ITGAE: variants seen among roughly 807,000 people sequenced by gnomAD.
ITGAE encodes integrin subunit alpha E, also known as integrin alpha-E.
ITGAE carries 99 observed loss-of-function variants against 136.5 expected under a neutral mutation model. The ratio of observed to expected loss-of-function variants is 0.73; its 90% CI spans 0.62 to 0.86. The LOEUF is 0.86. ITGAE is among the 40% of genes least tolerant of loss of function. ITGAE has a pLI of 0.00. For missense variants in ITGAE, 1,447 were observed against 1,515.3 expected, an observed-to-expected ratio of 0.95 and a Z score of 0.75; for synonymous variants, 613 against 591.8, an observed-to-expected ratio of 1.04 and a Z score of -0.52.
At chr17:3,741,317 G>T (rs1387753843) in intron 19 of ITGAE, among the ~76,000 whole-genome samples, 3 of 150,136 alleles carry the variant, frequency 2.0e-5, no homozygotes, top group African/African-American at 7.4e-5. Context: ...TCGATCTCCT[G>T]ACCTCATGAT....
At chr17:3,741,442 T>A (rs1022084337) in intron 19 of ITGAE, among the ~76,000 whole-genome samples, 1 of 151,978 alleles carries the variant, frequency 6.6e-6, no homozygotes, top group African/African-American at 2.4e-5. Flanking sequence ...CCAGCCCCAG[T>A]GAAAGAGAAT....
chr17:3,740,020 C>G, intron 19 of ITGAE, 142 bp from the exon 20 acceptor site: 1 of 684,784 alleles, frequency 1.5e-6, no homozygotes, highest in Admixed American at 2.2e-5. Context: ...GTGAGGGGTG[C>G]AGGCTGGGAT....
At chr17:3,745,034 G>A (rs1567527188) in intron 18 of ITGAE, among the ~76,000 whole-genome samples, 1 of 152,120 alleles carries the variant, frequency 6.6e-6, no homozygotes, top group African/African-American at 2.4e-5. Flanking sequence ...TGGAATAAAC[G>A]ATCCATATAG....
At chr17:3,738,980 T>A (rs1237516655) in intron 20 of ITGAE, 5 of 152,282 alleles carry the variant, frequency 3.3e-5, no homozygotes, top group Non-Finnish European at 7.3e-5. Context: ...CAAAAGCCCT[T>A]CTGAGGGCTT....
intron 16 of ITGAE, among the ~76,000 whole-genome samples, chr17:3,748,752 G>A (rs1055070853): frequency 6.6e-6 from 1 of 152,210 alleles, no homozygotes; most frequent in African/African-American, 2.4e-5. Context: ...AGCACAGCCA[G>A]TGCCAAGGGC....
At chr17:3,774,634 G>T (rs1008634187) in intron 2 of ITGAE, among the ~76,000 whole-genome samples, 1 of 152,004 alleles carries the variant, frequency 6.6e-6, no homozygotes, top group Non-Finnish European at 1.5e-5. Context: ...GCGTGGTGGC[G>T]GGCGCCTGTA....
intron 1 of ITGAE, among the ~76,000 whole-genome samples, chr17:3,788,602 TTC>T (rs1014561336): frequency 2.7e-5 from 4 of 150,902 alleles, no homozygotes; most frequent in Non-Finnish European, 5.9e-5. Flanking sequence ...GCCCAGCCTG[TTC>T]TGTTTCTTGA....
At chr17:3,795,510 A>G (rs2053044137) in intron 1 of ITGAE, among the ~76,000 whole-genome samples, 1 of 152,208 alleles carries the variant, frequency 6.6e-6, no homozygotes, top group Non-Finnish European at 1.5e-5. Context: ...TGGTTTGTGC[A>G]TGGCCCGTCG....
chr17:3,718,897 G>A (rs1037083203), intron 29 of ITGAE, among the ~76,000 whole-genome samples: 1 of 151,968 alleles, frequency 6.6e-6, no homozygotes, highest in African/African-American at 2.4e-5. Flanking sequence ...TATTTCTTCC[G>A]TTTTCTGTAT....
At position 3,751,746 on chromosome 17, in the gene ITGAE, G is replaced by T. The variant is rs774526973; in HGVS notation, c.1797C>A (p.Ala599=). Residue 599 remains alanine (A), a synonymous_variant, in exon 15 of 31, where the codon GCC becomes GCA. Transcript: ENST00000263087. ...QDKLTDVAIG[A]PLEGFGADDG... ...CATCTGCCCCAAAACCTTCCAGGGG[G>T]GCCCCGATGGCCACATCTGTGAGCT... 1 of 1,613,914 alleles carries T rather than the reference G, an allele frequency of 6.2e-7. No individual in the cohort carries two copies. Among genetic ancestry groups the T allele is most frequent in the Non-Finnish European group, 8.5e-7 (1 of 1,179,976 alleles).
chr17:3,768,014 C>G lies in ITGAE; in HGVS notation c.156-4054G>C, dbSNP rs1249152959. 4.6e-5 allele frequency among the ~76,000 whole-genome samples: 7 copies of G among 152,264 alleles called. No homozygotes were observed. The East Asian group carries it at 1.4e-3, about 29-fold the overall frequency. ...TCCCCCAGAGCTTCTAGAAGGGACC[C>G]AGCCCTGCTGACACCTTTTCAGACT... is the stretch of plus-strand genomic sequence containing the variant. On this transcript the variant is annotated intron_variant, in intron 2 of 30. Transcript: ENST00000263087.
In ITGAE at chr17:3,761,542, G is replaced by C. The variant is rs757943724; in HGVS notation, c.316-22C>G. 1.9e-6 allele frequency: 3 copies of C among 1,593,606 alleles called. No individual in the cohort carries two copies. In the South Asian group the frequency reaches 3.4e-5, roughly 18 times the overall value. ...ATATCTGTGGGAGGGAAGAGAGGGT[G>C]GGGAAACACCAGGTCACCTCCCGAT... On this transcript the variant is annotated intron_variant, in intron 4 of 30. Transcript: ENST00000263087.
At chr17:3,730,446 T>G (rs199917678) in intron 23 of ITGAE, 2 of 150,026 alleles carry the variant, frequency 1.3e-5, no homozygotes, top group African/African-American at 4.8e-5. Flanking sequence ...AGCGAGACTC[T>G]GTCTCAAAAA....
At chr17:3,719,674 AAGAC>A (rs1216274241) in intron 29 of ITGAE, among the ~76,000 whole-genome samples, 1 of 152,236 alleles carries the variant, frequency 6.6e-6, no homozygotes, top group African/African-American at 2.4e-5. Flanking sequence ...ACAGCACACT[AAGAC>A]AGTTACTGGA....
At chr17:3,777,370 C>G (rs1486595219) in intron 2 of ITGAE, among the ~76,000 whole-genome samples, 170 bp downstream of exon 2, 1 of 152,236 alleles carries the variant, frequency 6.6e-6, no homozygotes, top group Non-Finnish European at 1.5e-5. Flanking sequence ...CCGATGCCCA[C>G]AGCCTCTCTC....
At chr17:3,718,441 C>G (rs2050983006) in intron 29 of ITGAE, 1 of 152,262 alleles carries the variant, frequency 6.6e-6, no homozygotes, top group Non-Finnish European at 1.5e-5. Context: ...AGTACAAGGA[C>G]CAAAGAAGCC....
intron 19 of ITGAE, 46 bp downstream of exon 19, chr17:3,743,443 G>A (rs748726644): frequency 1.3e-6 from 2 of 1,527,514 alleles, no homozygotes; most frequent in South Asian, 2.6e-5. Flanking sequence ...GGTTTCTGTG[G>A]GATAGGCTCT....
chr17:3,755,292 G>T (rs893712530), intron 11 of ITGAE, 31 bp from the exon 12 acceptor site: 14 of 1,531,336 alleles, frequency 9.1e-6, no homozygotes, highest in Non-Finnish European at 1.0e-5. Flanking sequence ...GCCCAGATGA[G>T]TGGGAGGGAC....
At chr17:3,779,368 C>T (rs928911509) in intron 1 of ITGAE, among the ~76,000 whole-genome samples, 4 of 151,768 alleles carry the variant, frequency 2.6e-5, no homozygotes, top group African/African-American at 7.3e-5. Context: ...TGCTCTGTCG[C>T]CCAGGCTGGA....
Sources: gnomAD v4.1 joint callset for allele counts (sites outside exome capture counted in the v4.1 genomes callset) on GRCh38, gnomAD v4.1.1 for gene constraint, MANE v1.5 for transcripts, NCBI Gene and HGNC (gene_info 2026-07-23, HGNC 2026-07-21) for gene names.